KCNMB2: variants seen among roughly 807,000 people sequenced by gnomAD.
KCNMB2 encodes potassium calcium-activated channel subfamily M regulatory beta subunit 2, also known as calcium-activated potassium channel subunit beta-2.
Under a neutral mutation model 24.5 loss-of-function variants are expected in KCNMB2, and 9 were observed. The observed-to-expected ratio is 0.37, with a 90% confidence interval of 0.22 to 0.64. KCNMB2 has a LOEUF of 0.64. Among genes scored for constraint, KCNMB2 ranks in the 30% least tolerant of loss-of-function variants. KCNMB2 has a pLI of 0.63. For synonymous variants in KCNMB2, 109 were observed against 104.4 expected (o/e 1.04, Z -0.27); for missense variants, 226 against 284.3 (o/e 0.79, Z 1.47).
chr3:178,757,333 T>C (rs1219559803), intron 1 of KCNMB2, among the ~76,000 whole-genome samples: 1 of 103,716 alleles, frequency 9.6e-6, no homozygotes, highest in African/African-American at 4.0e-5. Context: ...TATATATATG[T>C]ATATATATCC....
chr3:178,656,884 G>A (rs559984578), intron 1 of KCNMB2, among the ~76,000 whole-genome samples: 4 of 152,222 alleles, frequency 2.6e-5, no homozygotes, highest in African/African-American at 9.6e-5. Flanking sequence ...GTTTGTTGGG[G>A]CGGGGTAGGG....
At chr3:178,556,384 T>C (rs1195880063) in intron 1 of KCNMB2, among the ~76,000 whole-genome samples, 3 of 152,194 alleles carry the variant, frequency 2.0e-5, no homozygotes, top group African/African-American at 7.2e-5. Context: ...TGGAGACTCA[T>C]AGAACACATA....
chr3:178,704,781 C>G (rs1722222211), intron 1 of KCNMB2, among the ~76,000 whole-genome samples: 1 of 152,150 alleles, frequency 6.6e-6, no homozygotes, highest in South Asian at 2.1e-4. Context: ...CTAAAGTCCA[C>G]CTTTCTTGCA....
intron 1 of KCNMB2, among the ~76,000 whole-genome samples, chr3:178,686,215 G>A (rs1239387886): frequency 1.3e-5 from 2 of 152,160 alleles, no homozygotes; most frequent in Non-Finnish European, 2.9e-5. Flanking sequence ...AGATTAACAA[G>A]AGAAAAGCAT....
At chr3:178,556,914 C>T (rs148369690) in intron 1 of KCNMB2, among the ~76,000 whole-genome samples, 5 of 152,170 alleles carry the variant, frequency 3.3e-5, no homozygotes, top group African/African-American at 1.2e-4. Context: ...TAACAAGGAG[C>T]AGAACCATTG....
chr3:178,774,170 A>T (rs1383172415), intron 1 of KCNMB2, among the ~76,000 whole-genome samples: 1 of 152,152 alleles, frequency 6.6e-6, no homozygotes, highest in African/African-American at 2.4e-5. Context: ...TAATCTCCTC[A>T]TAAAGACTCC....
intron 1 of KCNMB2, among the ~76,000 whole-genome samples, chr3:178,775,064 T>C (rs1160209522): frequency 1.3e-5 from 2 of 152,236 alleles, no homozygotes; most frequent in African/African-American, 4.8e-5. Flanking sequence ...ATGATATTAA[T>C]ATCCTAATTC....
At chr3:178,784,017 G>C (rs1471103364) in intron 1 of KCNMB2, among the ~76,000 whole-genome samples, 1 of 151,882 alleles carries the variant, frequency 6.6e-6, no homozygotes, top group Non-Finnish European at 1.5e-5. Context: ...TGTTGAATTT[G>C]AAACCGCTTT....
At chr3:178,616,548 A>G (rs539078871) in intron 1 of KCNMB2, among the ~76,000 whole-genome samples, 1 of 152,290 alleles carries the variant, frequency 6.6e-6, no homozygotes, top group East Asian at 1.9e-4. Context: ...GGGGTGGAGG[A>G]GGGGCGACAT....
intron 1 of KCNMB2, among the ~76,000 whole-genome samples, chr3:178,656,280 C>T (rs1423927025): frequency 6.6e-6 from 1 of 152,178 alleles, no homozygotes; most frequent in Non-Finnish European, 1.5e-5. Flanking sequence ...CAAAACGATT[C>T]TCCAGGAACA....
intron 1 of KCNMB2, among the ~76,000 whole-genome samples, chr3:178,616,897 C>T (rs1248127553): frequency 6.6e-6 from 1 of 152,190 alleles, no homozygotes; most frequent in Non-Finnish European, 1.5e-5. Context: ...CAACCCATTC[C>T]TTTCCTACTT....
chr3:178,751,424 C>CA (rs1393182173), intron 1 of KCNMB2, among the ~76,000 whole-genome samples: 1 of 151,372 alleles, frequency 6.6e-6, no homozygotes, highest in Non-Finnish European at 1.5e-5. Flanking sequence ...ACTAAAAATA[C>CA]AAAAAATTAG....
chr3:178,697,491 T>C (rs1949448595), intron 1 of KCNMB2, among the ~76,000 whole-genome samples: 1 of 152,230 alleles, frequency 6.6e-6, no homozygotes, highest in African/African-American at 2.4e-5. Context: ...TTTAAACCTA[T>C]GTGTGTCATT....
At chr3:178,658,798 A>C (rs1295479814) in intron 1 of KCNMB2, among the ~76,000 whole-genome samples, 1 of 152,200 alleles carries the variant, frequency 6.6e-6, no homozygotes, top group Non-Finnish European at 1.5e-5. Context: ...ATAATAATAC[A>C]CATGAAGGAC....
intron 1 of KCNMB2, among the ~76,000 whole-genome samples, chr3:178,591,807 T>C (rs1717685774): frequency 1.3e-5 from 2 of 152,156 alleles, no homozygotes; most frequent in Non-Finnish European, 2.9e-5. Flanking sequence ...ACCCCTGGGA[T>C]TCTGATGTAG....
chr3:178,811,932 A>C lies in KCNMB2; in HGVS notation c.56+4467A>C, dbSNP rs370012066. ...TTAATGAGATTGAGTATATTTCCTTAGTCGTTTTTTCTGAGTTGACTGTTT... is the reference window on the plus strand; with the variant it reads ...TTAATGAGATTGAGTATATTTCCTTCGTCGTTTTTTCTGAGTTGACTGTTT... On this transcript the variant is annotated intron_variant, in intron 2 of 4. Coordinates refer to ENST00000452583, the MANE Select transcript of KCNMB2 (RefSeq NM_181361.3). 3.4e-4 allele frequency among the ~76,000 whole-genome samples: 52 copies of C among 152,254 alleles called. 1 individual carries two copies. The South Asian group carries it at 0.011, about 31-fold the overall frequency.
At chr3:178,558,435 G>C (rs1317235333) in intron 1 of KCNMB2, among the ~76,000 whole-genome samples, 1 of 152,106 alleles carries the variant, frequency 6.6e-6, no homozygotes, top group Non-Finnish European at 1.5e-5. Flanking sequence ...CAATTCTCTG[G>C]GCCTGGGGTT....
chr3:178,633,289 C>T (rs558380749), intron 1 of KCNMB2, among the ~76,000 whole-genome samples: 1 of 152,308 alleles, frequency 6.6e-6, no homozygotes, highest in South Asian at 2.1e-4. Flanking sequence ...GGATTCAACC[C>T]ACATTTCCCT....
intron 1 of KCNMB2, among the ~76,000 whole-genome samples, chr3:178,643,317 G>A (rs1052470189): frequency 6.6e-6 from 1 of 152,172 alleles, no homozygotes; most frequent in Admixed American, 6.5e-5. Context: ...GTCATGTGAT[G>A]ATGGTACAAT....
Sources: allele counts gnomAD v4.1 joint callset (sites outside exome capture counted in the v4.1 genomes callset), GRCh38; gene constraint gnomAD v4.1.1; transcripts MANE v1.5; gene names NCBI Gene and HGNC (gene_info 2026-07-23, HGNC 2026-07-21).